Variants in ROS1 observed in about 807,000 individuals in gnomAD.
ROS1 encodes proto-oncogene tyrosine-protein kinase ROS.
In ROS1, 263 loss-of-function variants were observed where a neutral mutation model predicts 273.5. That is an observed-to-expected ratio of 0.96 (90% CI 0.87 to 1.06). The LOEUF (loss-of-function observed/expected upper bound fraction) is 1.06, where lower values mean the gene tolerates loss of function less well. Ranked by LOEUF, ROS1 falls within the 50% of genes least tolerant of loss-of-function variation. The probability of loss-of-function intolerance (pLI) is 0.00; values close to 1 mark genes in which losing one functional copy is unlikely to be tolerated. For synonymous variants in ROS1, 1,008 were observed against 954.1 expected, an observed-to-expected ratio of 1.06 and a Z score of -1.04; for missense variants, 2,833 against 2,751.1, an observed-to-expected ratio of 1.03 and a Z score of -0.67.
intron 42 of ROS1, chr6:117,301,414 C>CT (rs1774715850): frequency 3.7e-6 from 1 of 270,664 alleles, no homozygotes; most frequent in East Asian, 9.7e-5. Context: ...GGGAAAATAT[C>CT]TACTCAACAC....
At chr6:117,415,932 T>C (rs956534285) in intron 3 of ROS1, among the ~76,000 whole-genome samples, 2 of 152,154 alleles carry the variant, frequency 1.3e-5, no homozygotes, top group Non-Finnish European at 1.5e-5. Flanking sequence ...CACACTAAAA[T>C]TTGAGACGCA....
intron 37 of ROS1, among the ~76,000 whole-genome samples, chr6:117,319,229 A>G (rs1231517493): frequency 6.6e-6 from 1 of 152,160 alleles, no homozygotes; most frequent in East Asian, 1.9e-4. Flanking sequence ...TACTATGATA[A>G]ATAATCATGT....
chr6:117,362,034 AAT>A (rs916367258), intron 22 of ROS1, among the ~76,000 whole-genome samples: 1 of 152,212 alleles, frequency 6.6e-6, no homozygotes, highest in Non-Finnish European at 1.5e-5. Flanking sequence ...GTACAACTAT[AAT>A]ATATATCAAT....
At chr6:117,399,130 A>T (rs1201328051) in intron 7 of ROS1, among the ~76,000 whole-genome samples, 8 of 152,202 alleles carry the variant, frequency 5.3e-5, no homozygotes, top group Admixed American at 1.3e-4. Flanking sequence ...TATCCATAAG[A>T]AGGACACCCA....
intron 7 of ROS1, among the ~76,000 whole-genome samples, chr6:117,400,040 G>T (rs3777976): frequency 0.064 from 9,674 of 152,194 alleles, 380 homozygotes; most frequent in Middle Eastern, 0.095. Flanking sequence ...GACCTAGTCT[G>T]CCTTCCCAGT....
chr6:117,418,283 C>T (rs994114878), intron 2 of ROS1, among the ~76,000 whole-genome samples, 179 bp downstream of exon 2: 2 of 152,216 alleles, frequency 1.3e-5, no homozygotes, highest in African/African-American at 2.4e-5. Flanking sequence ...GCTATTTCCA[C>T]TTCAACACAC....
At chr6:117,322,101 C>A (rs1163449456) in intron 35 of ROS1, among the ~76,000 whole-genome samples, 1 of 151,986 alleles carries the variant, frequency 6.6e-6, no homozygotes, top group Non-Finnish European at 1.5e-5. Context: ...AAGTTGAAAG[C>A]AGCAAGCATG....
chr6:117,326,660 G>A (rs190667681), intron 33 of ROS1, among the ~76,000 whole-genome samples: 1 of 152,074 alleles, frequency 6.6e-6, no homozygotes, highest in Non-Finnish European at 1.5e-5. Flanking sequence ...GTGGTGAAGA[G>A]AGAGCTGAGT....
rs1562372833 is a variant in ROS1, at chr6:117,404,353, GC to G, written c.391del (p.Ala131GlnfsTer6). 6.2e-7 allele frequency: 1 copy of G among 1,613,612 alleles called. No individual in the cohort carries two copies. Among genetic ancestry groups the G allele is most frequent in the Admixed American group, 1.7e-5 (1 of 59,996 alleles). ...SHNMTLRWKS[A>X]NFSGVKYIIQ... is the part of the protein sequence containing the mutation. The stretch of plus-strand genomic sequence containing the variant: ...GATGTATTTTACTCCAGAGAAGTTT[GC>G]AGATTTCCATCGTAATGTCATATTG... On this transcript the variant is annotated frameshift_variant, in exon 6 of 44. Transcript: ENST00000368507. LOFTEE classifies it high-confidence loss of function.
intron 1 of ROS1, among the ~76,000 whole-genome samples, chr6:117,423,006 T>C (rs1775870462): frequency 6.6e-6 from 1 of 151,928 alleles, no homozygotes; most frequent in African/African-American, 2.4e-5. Context: ...AGTTCCTCAG[T>C]TGTTGTGATT....
chr6:117,373,551 G>C (rs1295085123), intron 18 of ROS1, among the ~76,000 whole-genome samples: 1 of 152,246 alleles, frequency 6.6e-6, no homozygotes, highest in Non-Finnish European at 1.5e-5. Flanking sequence ...CACTGCCCGG[G>C]GCTGGTGGCA....
chr6:117,392,421 T>C (rs1285585288), intron 12 of ROS1, among the ~76,000 whole-genome samples: 1 of 152,134 alleles, frequency 6.6e-6, no homozygotes, highest in African/African-American at 2.4e-5. Context: ...CTTACAAACA[T>C]GGGCTTTGCC....
At chr6:117,310,922 G>T in intron 40 of ROS1, 98 bp downstream of exon 40, 1 of 674,486 alleles carries the variant, frequency 1.5e-6, no homozygotes, top group Non-Finnish European at 2.5e-6. Context: ...TAGTTTGAAG[G>T]AATTAAAATG....
intron 32 of ROS1, among the ~76,000 whole-genome samples, chr6:117,333,084 TAAC>T (rs1455187759): frequency 7.3e-6 from 1 of 137,058 alleles, no homozygotes; most frequent in East Asian, 2.2e-4. Context: ...ATAAAATAAA[TAAC>T]AAAATATACC....
intron 4 of ROS1, among the ~76,000 whole-genome samples, chr6:117,409,939 T>A (rs896100796): frequency 6.6e-6 from 1 of 152,210 alleles, no homozygotes; most frequent in African/African-American, 2.4e-5. Context: ...GAAAAAAAGA[T>A]TCCTGAAATG....
At position 117,393,227 on chromosome 6, in the gene ROS1, T is replaced by C. The variant is rs1433758459; in HGVS notation, c.1286A>G (p.Asn429Ser). 2.6e-6 allele frequency: 4 copies of C among 1,545,010 alleles called. No homozygotes were observed. In the Admixed American group the frequency reaches 5.0e-5, roughly 19 times the overall value. Residue 429 changes from asparagine to serine, a missense_variant, in exon 12 of 44, where the codon AAT (asparagine) becomes AGT (serine). Asn to Ser is a conservative substitution (Grantham distance 46, BLOSUM62 1). Transcript: ENST00000368507. ...TCTTTACAAGGCTAACACATACCCA[T>C]TGTATGAATCAGCCACAATTTTTTG... is the stretch of plus-strand genomic sequence containing the variant. Reference protein sequence around the residue: ...APQKIVADSYNGYVFYLLRDG... With the variant: ...APQKIVADSYSGYVFYLLRDG...
intron 32 of ROS1, among the ~76,000 whole-genome samples, chr6:117,331,013 G>C (rs184235935): frequency 9.8e-5 from 15 of 152,322 alleles, no homozygotes; most frequent in Non-Finnish European, 1.9e-4. Flanking sequence ...ACAGAAGTAG[G>C]CTTCACAAGA....
chr6:117,369,063 A>G (rs1185359564), intron 18 of ROS1, among the ~76,000 whole-genome samples: 2 of 152,146 alleles, frequency 1.3e-5, no homozygotes, highest in Non-Finnish European at 1.5e-5. Flanking sequence ...GCTGATCTAA[A>G]CTAAAGGGAA....
At position 117,425,487 on chromosome 6, in the gene ROS1, A is replaced by T. The variant is rs776302709; in HGVS notation, c.123+47T>A. 4 of 1,530,492 alleles carry T rather than the reference A, an allele frequency of 2.6e-6. No homozygotes were observed. The South Asian group carries it at 3.9e-5, about 15-fold the overall frequency. 94.8% of individuals were successfully genotyped at this position (1,530,492 alleles called of 1,614,324 possible). On this transcript the variant is annotated intron_variant, in intron 1 of 43. Coordinates refer to ENST00000368507, the MANE Select transcript of ROS1 (RefSeq NM_001378902.1). ...TATCAGTTATAACAAGCTGAATGCT[A>T]CATGTTCTAGTTCCTGCAAAGACAA...
Sources: allele counts gnomAD v4.1 joint callset (sites outside exome capture counted in the v4.1 genomes callset), GRCh38; gene constraint gnomAD v4.1.1; transcripts MANE v1.5; gene names NCBI Gene and HGNC (gene_info 2026-07-23, HGNC 2026-07-21).